The following SCN9A variants were observed in gnomAD, a reference collection of about 807,000 sequenced individuals.
SCN9A encodes sodium channel protein type 9 subunit alpha.
SCN9A carries 131 observed loss-of-function variants against 187.0 expected under a neutral mutation model. The ratio of observed to expected loss-of-function variants is 0.70; its 90% CI spans 0.61 to 0.81. The LOEUF is 0.81. SCN9A is among the 30% of genes least tolerant of loss of function. The pLI is 0.00. For missense variants in SCN9A, 2,252 were observed against 2,396.6 expected (o/e 0.94, Z 1.26); for synonymous variants, 809 against 808.6 (o/e 1.00, Z -0.01).
At chr2:166,364,423 A>G (rs918859952) in intron 1 of SCN9A, among the ~76,000 whole-genome samples, 4 of 152,226 alleles carry the variant, frequency 2.6e-5, no homozygotes, top group African/African-American at 9.6e-5. Flanking sequence ...AAGTGAAAAC[A>G]ACCCAAATGT....
At chr2:166,259,430 C>A (rs751716900) in intron 17 of SCN9A, 1 of 151,748 alleles carries the variant, frequency 6.6e-6, no homozygotes, top group South Asian at 2.1e-4. Context: ...ATATACTCAA[C>A]GTTAAGCAAT....
intron 1 of SCN9A, among the ~76,000 whole-genome samples, chr2:166,350,026 G>C (rs1311136631): frequency 6.6e-6 from 1 of 151,642 alleles, no homozygotes. Flanking sequence ...AACATGCTTG[G>C]TCTGCAATAT....
chr2:166,233,474 A>G lies in SCN9A; in HGVS notation c.3802-12T>C. 1 of 1,554,646 alleles carries G rather than the reference A, an allele frequency of 6.4e-7. No homozygotes were observed. The highest frequency in any genetic ancestry group is 8.6e-7 in the Non-Finnish European group (1 of 1,159,544). ...GTAACCAAAGAAACCTATAAAAATA[A>G]CATTTTCATTAATTGTGTCAATAAA... On this transcript the variant is annotated splice_polypyrimidine_tract_variant and intron_variant, in intron 20 of 26. Coordinates refer to ENST00000642356, the MANE Select transcript of SCN9A (RefSeq NM_001365536.1).
chr2:166,223,099 C>A (rs1188594493), intron 24 of SCN9A, among the ~76,000 whole-genome samples: 3 of 151,880 alleles, frequency 2.0e-5, no homozygotes, highest in Non-Finnish European at 4.4e-5. Flanking sequence ...AAATTAGAAC[C>A]TTTGTACATT....
chr2:166,300,050 C>T lies in SCN9A; in HGVS notation c.901+3040G>A, dbSNP rs773954007. On this transcript the variant is annotated intron_variant, in intron 7 of 26. Transcript: ENST00000642356. ...AGATGAAACCTTTATTTTCTCTTGC[C>T]TAGATGAGAGAAGCAACCTTCAACT... Among the ~76,000 whole-genome samples, 25 of 150,880 alleles carry T rather than the reference C, an allele frequency of 1.7e-4. 1 individual carries two copies. The highest frequency in any genetic ancestry group is 2.6e-4 in the Non-Finnish European group (18 of 68,028).
intron 19 of SCN9A, among the ~76,000 whole-genome samples, chr2:166,240,827 T>C (rs1695533723): frequency 6.6e-6 from 1 of 152,144 alleles, no homozygotes; most frequent in South Asian, 2.1e-4. Flanking sequence ...TGAGCAACCT[T>C]GAGACATGAG....
At chr2:166,237,724 C>G (rs1432526559) in intron 20 of SCN9A, among the ~76,000 whole-genome samples, 1 of 152,126 alleles carries the variant, frequency 6.6e-6, no homozygotes, top group East Asian at 1.9e-4. Flanking sequence ...CATTTCCTCT[C>G]TTTAATCTGT....
chr2:166,271,701 T>A (rs12478543), intron 17 of SCN9A, among the ~76,000 whole-genome samples: 42,567 of 151,728 alleles, frequency 0.28, 6,429 homozygotes, highest in East Asian at 0.44. Flanking sequence ...CAAACTTTTT[T>A]AAAAAAATTA....
chr2:166,334,847 A>T (rs1241839270), intron 1 of SCN9A, among the ~76,000 whole-genome samples: 2 of 152,292 alleles, frequency 1.3e-5, no homozygotes, highest in East Asian at 3.9e-4. Context: ...AAAACCTTGT[A>T]TGATATACAA....
chr2:166,375,098 C>A (rs1159505112), intron 1 of SCN9A, among the ~76,000 whole-genome samples: 1 of 152,124 alleles, frequency 6.6e-6, no homozygotes, highest in Non-Finnish European at 1.5e-5. Flanking sequence ...AAGGATTCTG[C>A]ATCTTTTCTG....
At chr2:166,204,651 C>T in intron 24 of SCN9A, 187 bp from the exon 25 acceptor site, 2 of 374,188 alleles carry the variant, frequency 5.3e-6, no homozygotes, top group Non-Finnish European at 9.5e-6. Flanking sequence ...GGTCTCCAAA[C>T]ACAGTTAAAT....
At chr2:166,251,097 G>T (rs956450046) in intron 18 of SCN9A, among the ~76,000 whole-genome samples, 12 of 152,034 alleles carry the variant, frequency 7.9e-5, no homozygotes, top group African/African-American at 2.9e-4. Context: ...TGGGACTCAA[G>T]AGTGAGGTTA....
intron 16 of SCN9A, among the ~76,000 whole-genome samples, chr2:166,275,075 A>G (rs1437216387): frequency 1.3e-5 from 2 of 152,170 alleles, no homozygotes; most frequent in Non-Finnish European, 2.9e-5. Context: ...ATGCCTTCCT[A>G]TCTAAACAAT....
At chr2:166,359,876 AAGTT>A (rs1348850170) in intron 1 of SCN9A, among the ~76,000 whole-genome samples, 1 of 151,590 alleles carries the variant, frequency 6.6e-6, no homozygotes, top group Non-Finnish European at 1.5e-5. Flanking sequence ...ATTAAGATAG[AAGTT>A]AGTCTTATGT....
chr2:166,309,168 G>A (rs986348536), intron 2 of SCN9A, among the ~76,000 whole-genome samples: 1 of 151,990 alleles, frequency 6.6e-6, no homozygotes, highest in East Asian at 1.9e-4. Flanking sequence ...AAAATTATCA[G>A]GGAGACTTTA....
rs754543076 is a variant in SCN9A, at chr2:166,311,802, G to A, written c.-46C>T. The stretch of plus-strand genomic sequence containing the variant: ...AATTCCTCTTCAGCTCCTCACATAA[G>A]AGGCCTGGATGGAAACAAAGAAATA... On this transcript the variant is annotated 5_prime_UTR_variant, in exon 2 of 27. Transcript: ENST00000642356. The A allele has an allele frequency of 2.6e-6, 4 of 1,520,366 alleles. No individual in the cohort carries two copies. The highest frequency in any genetic ancestry group is 3.5e-6 in the Non-Finnish European group (4 of 1,129,330). 94.2% of individuals were successfully genotyped at this position (1,520,366 alleles called of 1,614,324 possible).
In SCN9A at chr2:166,321,426, G is replaced by A. The variant is rs570558380; in HGVS notation, c.-50-9620C>T. 4 of 151,928 alleles carry A rather than the reference G, an allele frequency of 2.6e-5. No homozygotes were observed. In the South Asian group the frequency reaches 8.3e-4, roughly 32 times the overall value. The allele number at this position is 151,928 out of a possible 1,614,324, so 9.4% of individuals were successfully genotyped here. A position where few individuals can be genotyped will look rare whatever the true frequency, so the allele number is the denominator to read the frequency against. On this transcript the variant is annotated intron_variant, in intron 1 of 26. Coordinates refer to ENST00000642356, the MANE Select transcript of SCN9A (RefSeq NM_001365536.1). ...TCTCAGCTGCTTGAGAGTAGCTAAGGTGGGAGGATCACCTGAGCCTGGGGA... is the reference window on the plus strand; with the variant it reads ...TCTCAGCTGCTTGAGAGTAGCTAAGATGGGAGGATCACCTGAGCCTGGGGA...
intron 15 of SCN9A, 83 bp downstream of exon 15, chr2:166,278,057 C>G (rs1697315425): frequency 8.6e-7 from 1 of 1,164,260 alleles, no homozygotes; most frequent in Non-Finnish European, 1.2e-6. Context: ...GATTCAAATT[C>G]CCAAAAGTTT....
intron 1 of SCN9A, among the ~76,000 whole-genome samples, chr2:166,316,633 G>T (rs567841142): frequency 7.9e-5 from 12 of 152,360 alleles, no homozygotes; most frequent in African/African-American, 2.9e-4. Flanking sequence ...GGCGGAGCTT[G>T]CAGTGAGCCA....
Sources: allele counts gnomAD v4.1 joint callset (sites outside exome capture counted in the v4.1 genomes callset), GRCh38; gene constraint gnomAD v4.1.1; transcripts MANE v1.5; gene names NCBI Gene and HGNC (gene_info 2026-07-23, HGNC 2026-07-21).